Variants in TRPM3 observed in about 807,000 individuals in gnomAD.
TRPM3 encodes transient receptor potential cation channel subfamily M member 3, also known as long transient receptor potential channel 3.
A neutral mutation model predicts 181.2 loss-of-function variants in TRPM3; 77 were observed. The observed-to-expected ratio is 0.42, with a 90% confidence interval of 0.35 to 0.51. The LOEUF (loss-of-function observed/expected upper bound fraction) is 0.51. Ranked by LOEUF, TRPM3 falls within the 20% of genes least tolerant of loss-of-function variation. The probability of loss-of-function intolerance (pLI) is 0.01; values close to 1 mark genes in which losing one functional copy is unlikely to be tolerated. For synonymous variants in TRPM3, 745 were observed against 796.4 expected, an observed-to-expected ratio of 0.94 and a Z score of 1.09; for missense variants, 1,759 against 2,196.7, an observed-to-expected ratio of 0.80 and a Z score of 3.98.
intron 1 of TRPM3, among the ~76,000 whole-genome samples, chr9:70,984,583 A>G (rs1179129644): frequency 6.6e-6 from 1 of 152,374 alleles, no homozygotes. Flanking sequence ...TGGGCCAGTG[A>G]CCAGAAAACA....
chr9:70,658,659 A>G (rs975791039), intron 9 of TRPM3, among the ~76,000 whole-genome samples: 2 of 152,090 alleles, frequency 1.3e-5, no homozygotes, highest in African/African-American at 4.8e-5. Context: ...TGGCTGCCCT[A>G]AAACTTTTTG....
chr9:70,606,320 A>G lies in TRPM3; in HGVS notation c.2668-2850T>C, dbSNP rs915255975. On this transcript the variant is annotated intron_variant, in intron 19 of 25. Transcript: ENST00000677713. ...AGTCCTTACTTCCCTTTGATCCCCAATTAACTGTTCACACCTCTCTTCTTT... is the reference window on the plus strand; with the variant it reads ...AGTCCTTACTTCCCTTTGATCCCCAGTTAACTGTTCACACCTCTCTTCTTT... 7.9e-5 allele frequency among the ~76,000 whole-genome samples: 12 copies of G among 152,132 alleles called. No individual in the cohort carries two copies. The East Asian group carries it at 2.3e-3, about 29-fold the overall frequency.
At chr9:71,172,760 A>G (rs1185349663) in intron 1 of TRPM3, among the ~76,000 whole-genome samples, 1 of 152,180 alleles carries the variant, frequency 6.6e-6, no homozygotes, top group Non-Finnish European at 1.5e-5. Context: ...AAAATCTCCA[A>G]ACAGAATATC....
At chr9:71,420,793 GAGAA>G (rs1249550049) in intron 1 of TRPM3, among the ~76,000 whole-genome samples, 15 of 18,786 alleles carry the variant, frequency 8.0e-4, no homozygotes, top group African/African-American at 2.6e-3. Context: ...GAGAAAGAGA[GAGAA>G]AGAAAGAGAG....
chr9:70,961,527 A>G (rs1341712321), intron 1 of TRPM3, among the ~76,000 whole-genome samples: 3 of 152,168 alleles, frequency 2.0e-5, no homozygotes, highest in African/African-American at 7.2e-5. Context: ...CTGACTCTGC[A>G]GCTTTTATTC....
intron 1 of TRPM3, among the ~76,000 whole-genome samples, chr9:71,162,570 A>T (rs2076334391): frequency 6.6e-6 from 1 of 152,184 alleles, no homozygotes; most frequent in Non-Finnish European, 1.5e-5. Context: ...CAAAACTAAG[A>T]GGATTTGAGA....
intron 1 of TRPM3, among the ~76,000 whole-genome samples, chr9:71,020,820 T>C (rs2097841506): frequency 2.0e-5 from 3 of 152,198 alleles, no homozygotes; most frequent in Admixed American, 2.0e-4. Context: ...CAACAATATC[T>C]ACTAAACTTG....
chr9:70,626,222 T>G (rs1048187739), intron 12 of TRPM3, among the ~76,000 whole-genome samples: 7 of 152,178 alleles, frequency 4.6e-5, no homozygotes, highest in African/African-American at 1.7e-4. Context: ...ATTTTTGCTG[T>G]TAGGTCAAGG....
intron 1 of TRPM3, among the ~76,000 whole-genome samples, chr9:71,293,480 AG>A (rs1447797012): frequency 2.0e-5 from 3 of 151,874 alleles, no homozygotes; most frequent in Non-Finnish European, 4.4e-5. Context: ...CAAATAAAAA[AG>A]GTTGGTGGTA....
rs117119421 is a variant in TRPM3, at chr9:70,769,005, T to C, written c.1149-7281A>G. ...TCTACTTTGGTTTTCATCCTCATCA[T>C]ATCTTATTCAGATGATACCAACAGA... On this transcript the variant is annotated intron_variant, in intron 7 of 25. Transcript: ENST00000677713. 2.8e-4 allele frequency among the ~76,000 whole-genome samples: 42 copies of C among 152,338 alleles called. 1 individual carries two copies. The East Asian group carries it at 7.3e-3, about 27-fold the overall frequency.
At chr9:71,178,389 A>T (rs953610432) in intron 1 of TRPM3, among the ~76,000 whole-genome samples, 1 of 152,116 alleles carries the variant, frequency 6.6e-6, no homozygotes, top group African/African-American at 2.4e-5. Context: ...TGAAAGGGGG[A>T]GTAAAAACAA....
chr9:71,010,616 G>A (rs1042063938), intron 1 of TRPM3, among the ~76,000 whole-genome samples: 70 of 151,938 alleles, frequency 4.6e-4, no homozygotes, highest in Admixed American at 2.3e-3. Context: ...AAGACAAAAC[G>A]TATATAATAA....
At chr9:70,604,756 C>T (rs1411024335) in intron 19 of TRPM3, among the ~76,000 whole-genome samples, 1 of 151,860 alleles carries the variant, frequency 6.6e-6, no homozygotes, top group Non-Finnish European at 1.5e-5. Flanking sequence ...AGGTAATTCT[C>T]CTACTTCAGC....
intron 3 of TRPM3, among the ~76,000 whole-genome samples, chr9:70,857,376 G>A (rs2132289145): frequency 6.6e-6 from 1 of 152,216 alleles, no homozygotes; most frequent in Admixed American, 6.5e-5. Context: ...ACGGAGGACT[G>A]AACACTACAA....
chr9:71,338,217 G>A (rs1255409805), intron 1 of TRPM3, among the ~76,000 whole-genome samples: 2 of 152,016 alleles, frequency 1.3e-5, no homozygotes, highest in Non-Finnish European at 2.9e-5. Flanking sequence ...CACATCTAAC[G>A]ACTCAGAGAT....
At chr9:71,420,637 AAG>A (rs1317884324) in intron 1 of TRPM3, among the ~76,000 whole-genome samples, 49 of 134,944 alleles carry the variant, frequency 3.6e-4, no homozygotes, top group Non-Finnish European at 7.1e-4. Flanking sequence ...GAAAAAGAAA[AAG>A]AGAGAGAAAG....
intron 22 of TRPM3, among the ~76,000 whole-genome samples, chr9:70,564,553 T>C (rs2050025043): frequency 6.6e-6 from 1 of 152,164 alleles, no homozygotes; most frequent in African/African-American, 2.4e-5. Flanking sequence ...CATGCATATT[T>C]AGGGTATTAG....
intron 1 of TRPM3, among the ~76,000 whole-genome samples, chr9:71,005,371 A>C (rs1045908662): frequency 6.6e-6 from 1 of 151,854 alleles, no homozygotes; most frequent in Non-Finnish European, 1.5e-5. Context: ...GCACCATTGT[A>C]CTCTAGCCTG....
intron 1 of TRPM3, among the ~76,000 whole-genome samples, chr9:71,113,834 T>C (rs1313489136): frequency 2.0e-5 from 3 of 152,202 alleles, no homozygotes; most frequent in Admixed American, 6.6e-5. Context: ...CAACATCTCT[T>C]TACTAAAGCA....
Sources: gnomAD v4.1 joint callset for allele counts (sites outside exome capture counted in the v4.1 genomes callset) on GRCh38, gnomAD v4.1.1 for gene constraint, MANE v1.5 for transcripts, NCBI Gene and HGNC (gene_info 2026-07-23, HGNC 2026-07-21) for gene names.